The following BCO2 variants were observed in gnomAD, a reference collection of about 807,000 sequenced individuals.
BCO2 encodes carotenoid-cleaving dioxygenase, mitochondrial.
A neutral mutation model predicts 65.8 loss-of-function variants in BCO2; 56 were observed. The ratio of observed to expected loss-of-function variants is 0.85; its 90% CI spans 0.69 to 1.06. BCO2 has a LOEUF of 1.06. Among genes scored for constraint, BCO2 ranks in the 50% least tolerant of loss-of-function variants. BCO2 has a pLI of 0.00. For synonymous variants in BCO2, 233 were observed against 242.3 expected (o/e 0.96, Z 0.36); for missense variants, 675 against 698.5 (o/e 0.97, Z 0.38).
intron 8 of BCO2, among the ~76,000 whole-genome samples, chr11:112,206,124 C>T (rs939816179): frequency 6.6e-6 from 1 of 150,538 alleles, no homozygotes. Context: ...AGACGGGCGG[C>T]AGCTGGGCAG....
At position 112,193,523 on chromosome 11, in the gene BCO2, G is replaced by A. The variant is rs1867465307; in HGVS notation, c.343G>A (p.Ala115Thr). Residue 115 changes from alanine to threonine, a missense_variant, in exon 3 of 12, where the codon GCA becomes ACA. Physicochemically the swap from Ala to Thr is moderately conservative, Grantham distance 58. Transcript: ENST00000357685. ...GGCGCTGCTTCACCAGTTCAGAATG[G>A]CAAAGGGCACAGTGACATACAGGAG... Reference protein sequence around the residue: ...GMALLHQFRMAKGTVTYRSKF... With the variant: ...GMALLHQFRMTKGTVTYRSKF... 2 of 1,614,102 alleles carry A rather than the reference G, an allele frequency of 1.2e-6. No homozygotes were observed. Among genetic ancestry groups the A allele is most frequent in the South Asian group, 2.2e-5 (2 of 91,072 alleles).
chr11:112,213,883 G>C, intron 9 of BCO2, 22 bp downstream of exon 9: 1 of 1,492,772 alleles, frequency 6.7e-7, no homozygotes, highest in Non-Finnish European at 9.0e-7. Flanking sequence ...ACAGACATTA[G>C]ACTAAGACTT....
At chr11:112,177,041 T>A (rs1592829469) in intron 1 of BCO2, among the ~76,000 whole-genome samples, 5 of 152,304 alleles carry the variant, frequency 3.3e-5, no homozygotes. Context: ...CATGTAAATA[T>A]TTTCTACAAT....
rs1867749477 is a variant in BCO2, at chr11:112,202,044, A to G, written c.1048A>G (p.Ser350Gly). 6.2e-7 allele frequency: 1 copy of G among 1,604,406 alleles called. No individual in the cohort carries two copies. The highest frequency in any genetic ancestry group is 1.1e-5 in the South Asian group (1 of 89,154). The change falls in exon 8 of 12, where the codon AGC (serine) becomes GGC (glycine). Residue 350 changes from serine (S) to glycine (G), a missense_variant. By Grantham distance (56) the Ser-to-Gly change is moderately conservative. Transcript: ENST00000357685. ...GCAGCTCCTTCCAGGGAGATACTAC[A>G]GCAAACCTTTTGTTACATTTCATCA... ...TGQLLPGRYY[S>G]KPFVTFHQIN...
chr11:112,181,142 G>T (rs954500389), intron 2 of BCO2: 4 of 1,328,906 alleles, frequency 3.0e-6, no homozygotes, highest in Non-Finnish European at 2.2e-6. Flanking sequence ...TAAGGACAAA[G>T]GTGTCTGGGG....
intron 8 of BCO2, among the ~76,000 whole-genome samples, chr11:112,206,394 G>C (rs1592860017): frequency 6.6e-6 from 1 of 152,244 alleles, no homozygotes; most frequent in African/African-American, 2.4e-5. Context: ...TCCCAGACGG[G>C]GCGGCGGCCG....
rs915299310 is a variant in BCO2, at chr11:112,181,920, T to C, written c.293+2438T>C. The C allele has an allele frequency of 4.7e-6, 3 of 642,350 alleles. No homozygotes were observed. In the African/African-American group the frequency reaches 5.5e-5, roughly 12 times the overall value. The allele number at this position is 642,350 out of a possible 1,614,324, so 39.8% of individuals were successfully genotyped here. A position where few individuals can be genotyped will look rare whatever the true frequency, so the allele number is the denominator to read the frequency against. ...AAATATCCAGGGAGTCAAGATGCTCTGTTAATGGGAGAAAATTTTTGCAAT... is the reference window on the plus strand; with the variant it reads ...AAATATCCAGGGAGTCAAGATGCTCCGTTAATGGGAGAAAATTTTTGCAAT... On this transcript the variant is annotated intron_variant, in intron 2 of 11. Coordinates refer to ENST00000357685, the MANE Select transcript of BCO2 (RefSeq NM_031938.7).
intron 8 of BCO2, among the ~76,000 whole-genome samples, chr11:112,212,322 A>G (rs1406850574): frequency 1.3e-5 from 2 of 152,206 alleles, no homozygotes; most frequent in African/African-American, 4.8e-5. Context: ...AGGTTTGATA[A>G]TTCATTAGGA....
chr11:112,192,215 G>A (rs1592845509), intron 2 of BCO2, among the ~76,000 whole-genome samples: 1 of 152,062 alleles, frequency 6.6e-6, no homozygotes, highest in East Asian at 1.9e-4. Flanking sequence ...ATTTCATATC[G>A]CATAATGTCC....
chr11:112,212,486 A>C (rs1436132362), intron 8 of BCO2, among the ~76,000 whole-genome samples: 1 of 152,206 alleles, frequency 6.6e-6, no homozygotes, highest in South Asian at 2.1e-4. Flanking sequence ...AAATTTTTAA[A>C]AAGACTCTAT....
chr11:112,189,121 C>T (rs1374871191), intron 2 of BCO2, among the ~76,000 whole-genome samples: 3 of 152,124 alleles, frequency 2.0e-5, no homozygotes, highest in Admixed American at 1.3e-4. Context: ...TTACAAGAGA[C>T]TTTGAAGGCC....
chr11:112,180,897 T>C, intron 2 of BCO2: 2 of 1,081,726 alleles, frequency 1.8e-6, no homozygotes, highest in Middle Eastern at 2.9e-4. Context: ...GCCACCAGTG[T>C]GTATAATGGG....
rs866773758 is a variant in BCO2, at chr11:112,218,525, C to A, written c.*651C>A. 9 of 277,738 alleles carry A rather than the reference C, an allele frequency of 3.2e-5. No homozygotes were observed. Among genetic ancestry groups the A allele is most frequent in the South Asian group, 8.1e-5 (2 of 24,706 alleles). The allele number at this position is 277,738 out of a possible 1,614,324, so 17.2% of individuals were successfully genotyped here. On this transcript the variant is annotated 3_prime_UTR_variant, in exon 12 of 12. Transcript: ENST00000357685. ...CCTATGTATGTCAAGTTGGTGGAGT[C>A]CCATGGTGCTGAACACCAACTCACC...
In BCO2 at chr11:112,185,339, C is replaced by G. The variant is rs1164232226; in HGVS notation, c.293+5857C>G. On this transcript the variant is annotated intron_variant, in intron 2 of 11. Transcript: ENST00000357685. ...ATAAAGTGTTGAAAAAAATGAAAAA[C>G]CAATAACTCTTCAGTATAAATTTCT... is the stretch of plus-strand genomic sequence containing the variant. Among the ~76,000 whole-genome samples, 4 of 152,136 alleles carry G rather than the reference C, an allele frequency of 2.6e-5. No homozygotes were observed. In the East Asian group the frequency reaches 7.7e-4, roughly 29 times the overall value.
Position 112,178,635 on chromosome 11 carries a change from AT to A in BCO2, c.89-642del, listed in dbSNP as rs1252080229. On this transcript the variant is annotated intron_variant, in intron 1 of 11. Transcript: ENST00000357685. Reference sequence around the variant, plus strand: ...AGTTTCAGTTCCTTATTATACAACTATGATTTTTACTTCTTGTGCCTTTTGC... The same window carrying A: ...AGTTTCAGTTCCTTATTATACAACTAGATTTTTACTTCTTGTGCCTTTTGC... Among the ~76,000 whole-genome samples the A allele has an allele frequency of 1.3e-5, 2 of 152,250 alleles. 1 individual carries two copies. The highest frequency in any genetic ancestry group is 2.9e-5 in the Non-Finnish European group (2 of 68,038).
chr11:112,201,980 A>T (rs1566789210), intron 7 of BCO2, 43 bp from the exon 8 acceptor site: 1 of 1,504,504 alleles, frequency 6.6e-7, no homozygotes, highest in Non-Finnish European at 8.9e-7. Context: ...AAAAGAAGAA[A>T]ACTAAAAAAA....
intron 2 of BCO2, among the ~76,000 whole-genome samples, chr11:112,192,429 A>C (rs1457691343): frequency 6.6e-6 from 1 of 152,140 alleles, no homozygotes; most frequent in Non-Finnish European, 1.5e-5. Context: ...CATATAATAA[A>C]CCATTTAAAA....
intron 8 of BCO2, among the ~76,000 whole-genome samples, chr11:112,209,762 T>C (rs1859456671): frequency 6.6e-6 from 1 of 152,210 alleles, no homozygotes; most frequent in African/African-American, 2.4e-5. Context: ...CAGCCATTGA[T>C]TGATTTTTGA....
At chr11:112,208,677 TG>T in intron 8 of BCO2, 1 of 210,358 alleles carries the variant, frequency 4.8e-6, no homozygotes, top group Non-Finnish European at 1.0e-5. Context: ...GCTTCCCTGC[TG>T]GAAGAGACAA....
Sources: gnomAD v4.1 joint callset for allele counts (sites outside exome capture counted in the v4.1 genomes callset) on GRCh38, gnomAD v4.1.1 for gene constraint, MANE v1.5 for transcripts, NCBI Gene and HGNC (gene_info 2026-07-23, HGNC 2026-07-21) for gene names.